The following FGGY variants were observed in gnomAD, a reference collection of about 807,000 sequenced individuals.
The protein encoded by FGGY is FGGY carbohydrate kinase domain-containing protein.
A neutral mutation model predicts 71.3 loss-of-function variants in FGGY; 72 were observed. The ratio of observed to expected loss-of-function variants is 1.01; its 90% confidence interval spans 0.84 to 1.23. The LOEUF (loss-of-function observed/expected upper bound fraction) is 1.23, where lower values mean the gene tolerates loss of function less well. Ranked by LOEUF, FGGY falls within the 50% of genes most tolerant of loss-of-function variation. The pLI is 0.00. For synonymous variants in FGGY, 251 were observed against 250.3 expected, an observed-to-expected ratio of 1.00 and a Z score of -0.02; for missense variants, 668 against 682.3, an observed-to-expected ratio of 0.98 and a Z score of 0.23.
chr1:59,593,809 C>G (rs917174790), intron 8 of FGGY, among the ~76,000 whole-genome samples: 1 of 152,170 alleles, frequency 6.6e-6, no homozygotes. Context: ...CAGGACCTGA[C>G]ACATAGAAGG....
At chr1:59,481,649 C>T (rs564650579) in intron 6 of FGGY, among the ~76,000 whole-genome samples, 24 of 152,222 alleles carry the variant, frequency 1.6e-4, no homozygotes, top group African/African-American at 5.1e-4. Context: ...CTCTAGGTAC[C>T]GATTCCTGCA....
intron 1 of FGGY, among the ~76,000 whole-genome samples, chr1:59,298,069 T>C (rs2042230163): frequency 6.6e-6 from 1 of 152,242 alleles, no homozygotes. Context: ...TTGTGGCTGT[T>C]ATTTAAATGG....
chr1:59,435,695 T>C (rs2068273415), intron 5 of FGGY, among the ~76,000 whole-genome samples: 1 of 151,912 alleles, frequency 6.6e-6, no homozygotes, highest in Admixed American at 6.6e-5. Context: ...GCCTACTGGG[T>C]CACTTTCTTC....
intron 14 of FGGY, among the ~76,000 whole-genome samples, chr1:59,697,252 G>A (rs1414196996): frequency 6.6e-6 from 1 of 152,120 alleles, no homozygotes; most frequent in Non-Finnish European, 1.5e-5. Context: ...GTGGTATTAA[G>A]TTCATTCACA....
intron 4 of FGGY, among the ~76,000 whole-genome samples, chr1:59,370,289 C>T (rs1021425406): frequency 6.6e-6 from 1 of 152,044 alleles, no homozygotes; most frequent in Non-Finnish European, 1.5e-5. Context: ...GGAGACGATG[C>T]GATCACCTGG....
chr1:59,533,444 A>C (rs954952701), intron 7 of FGGY, among the ~76,000 whole-genome samples: 26 of 152,230 alleles, frequency 1.7e-4, no homozygotes, highest in African/African-American at 6.3e-4. Context: ...GCCATTGCCC[A>C]GGCTTGCTTA....
chr1:59,706,926 T>C (rs999217206), intron 14 of FGGY, among the ~76,000 whole-genome samples: 2 of 152,174 alleles, frequency 1.3e-5, no homozygotes, highest in African/African-American at 4.8e-5. Context: ...CTCCTGTCCA[T>C]TTAAGGGAAG....
At chr1:59,586,597 T>C (rs945536795) in intron 8 of FGGY, among the ~76,000 whole-genome samples, 12 of 152,138 alleles carry the variant, frequency 7.9e-5, no homozygotes, top group African/African-American at 2.7e-4. Flanking sequence ...ACATGGCACA[T>C]GTATACATAT....
chr1:59,488,037 C>T (rs1224938358), intron 6 of FGGY, among the ~76,000 whole-genome samples: 8 of 152,200 alleles, frequency 5.3e-5, no homozygotes, highest in South Asian at 4.1e-4. Context: ...GCCATTTTAA[C>T]GCAGTTGAAA....
chr1:59,566,246 T>C (rs571791087), intron 8 of FGGY, among the ~76,000 whole-genome samples: 2 of 152,222 alleles, frequency 1.3e-5, no homozygotes, highest in East Asian at 3.9e-4. Flanking sequence ...AACCAAGCAT[T>C]GGGTCCCGTG....
intron 14 of FGGY, among the ~76,000 whole-genome samples, chr1:59,749,901 A>C (rs905644886): frequency 6.6e-5 from 10 of 152,202 alleles, no homozygotes; most frequent in Non-Finnish European, 1.3e-4. Flanking sequence ...GCAGTCTGTT[A>C]TAGTCAGTCT....
At chr1:59,524,990 G>C (rs1243583786) in intron 7 of FGGY, among the ~76,000 whole-genome samples, 1 of 152,224 alleles carries the variant, frequency 6.6e-6, no homozygotes, top group Admixed American at 6.5e-5. Context: ...AGACCTAGGG[G>C]CTCCCCAAGC....
chr1:59,662,320 A>C (rs2097283563), intron 12 of FGGY, among the ~76,000 whole-genome samples: 2 of 96,908 alleles, frequency 2.1e-5, no homozygotes, highest in South Asian at 3.9e-4. Context: ...ACTCCATCTC[A>C]AAAAAAAAAA....
At position 59,759,170 on chromosome 1, in the gene FGGY, G is replaced by A. The variant is rs117297905; in HGVS notation, c.1574+1178G>A. On this transcript the variant is annotated intron_variant, in intron 15 of 15. Coordinates refer to ENST00000303721, the MANE Select transcript of FGGY (RefSeq NM_018291.5). ...CAAATTCCACTTAACATGATGAACA[G>A]GCAAATGTGCAGATCCCACTGAAGC... is the stretch of plus-strand genomic sequence containing the variant. Among the ~76,000 whole-genome samples, 10 of 152,276 alleles carry A rather than the reference G, an allele frequency of 6.6e-5. No homozygotes were observed. In the East Asian group the frequency reaches 1.5e-3, roughly 24 times the overall value.
chr1:59,762,066 ATTTTTTT>A (rs3990362), intron 15 of FGGY, among the ~76,000 whole-genome samples: 1 of 141,454 alleles, frequency 7.1e-6, no homozygotes. Flanking sequence ...TCATTTAGGA[ATTTTTTT>A]TTTTTTTTTT....
At chr1:59,742,435 C>T (rs897473508) in intron 14 of FGGY, among the ~76,000 whole-genome samples, 7 of 152,206 alleles carry the variant, frequency 4.6e-5, no homozygotes, top group Admixed American at 2.6e-4. Flanking sequence ...ATTTCCCTCC[C>T]GCTGTTCTGA....
At chr1:59,565,334 G>C (rs1015426116) in intron 8 of FGGY, among the ~76,000 whole-genome samples, 3 of 152,000 alleles carry the variant, frequency 2.0e-5, no homozygotes, top group African/African-American at 7.3e-5. Flanking sequence ...GCTCAGGCTG[G>C]GGTGCAGGTG....
At chr1:59,761,250 C>T (rs1183964150) in intron 15 of FGGY, among the ~76,000 whole-genome samples, 1 of 152,104 alleles carries the variant, frequency 6.6e-6, no homozygotes, top group Non-Finnish European at 1.5e-5. Context: ...CTTTGGAGTT[C>T]GCCTTTTAAC....
At chr1:59,392,013 A>C (rs1267393879) in intron 5 of FGGY, among the ~76,000 whole-genome samples, 1 of 152,108 alleles carries the variant, frequency 6.6e-6, no homozygotes, top group Non-Finnish European at 1.5e-5. Flanking sequence ...TTTCATTCTG[A>C]GGGTGAAGCC....
Sources: gnomAD v4.1 joint callset for allele counts (sites outside exome capture counted in the v4.1 genomes callset) on GRCh38, gnomAD v4.1.1 for gene constraint, MANE v1.5 for transcripts, NCBI Gene and HGNC (gene_info 2026-07-23, HGNC 2026-07-21) for gene names.